The following PRELID2 variants were observed in gnomAD, a reference collection of about 807,000 sequenced individuals.
The protein encoded by PRELID2 is PRELI domain containing 2.
A neutral mutation model predicts 28.4 loss-of-function variants in PRELID2; 25 were observed. The ratio of observed to expected loss-of-function variants is 0.88; its 90% CI spans 0.64 to 1.23. The LOEUF (loss-of-function observed/expected upper bound fraction) is 1.23. Among genes scored for constraint, PRELID2 ranks in the 50% most tolerant of loss-of-function variants. The pLI, the probability that PRELID2 is intolerant of heterozygous loss-of-function variation, is 0.00. For synonymous variants in PRELID2, 76 were observed against 71.6 expected (o/e 1.06, Z -0.31); for missense variants, 201 against 214.4 (o/e 0.94, Z 0.39).
At chr5:145,672,928 C>T (rs1754737809) in intron 1 of PRELID2, among the ~76,000 whole-genome samples, 1 of 152,114 alleles carries the variant, frequency 6.6e-6, no homozygotes, top group Non-Finnish European at 1.5e-5. Flanking sequence ...CCTCACACAG[C>T]TATGAAACCC....
At chr5:145,336,794 G>C in the PRELID2 span, among the ~76,000 whole-genome samples, 2 of 151,886 alleles carry the variant, frequency 1.3e-5, no homozygotes, top group Admixed American at 6.6e-5. Context: ...AAAAAATGAT[G>C]AGTTCATGTC....
chr5:145,511,306 T>A (rs1752459127), intron 1 of PRELID2, among the ~76,000 whole-genome samples: 1 of 152,220 alleles, frequency 6.6e-6, no homozygotes, highest in South Asian at 2.1e-4. Flanking sequence ...AATAGTACCG[T>A]TATATACTTA....
the PRELID2 span, among the ~76,000 whole-genome samples, chr5:145,417,371 G>T: frequency 1.3e-5 from 2 of 152,078 alleles, no homozygotes; most frequent in Non-Finnish European, 2.9e-5. Flanking sequence ...CAACTGAAAA[G>T]AAGGAACTCC....
chr5:145,766,155 G>A (rs976512469), intron 5 of PRELID2, among the ~76,000 whole-genome samples: 9 of 152,124 alleles, frequency 5.9e-5, no homozygotes, highest in Non-Finnish European at 1.0e-4. Flanking sequence ...ATTATAAACT[G>A]AGGTCTCCAG....
intron 1 of PRELID2, among the ~76,000 whole-genome samples, chr5:145,697,070 TATATATATATAC>T (rs1239473527): frequency 1.6e-5 from 2 of 121,526 alleles, no homozygotes; most frequent in African/African-American, 4.2e-5. Flanking sequence ...TATATATATA[TATATATATATAC>T]ACACACACAC....
At chr5:145,592,479 C>T (rs1034017129) in intron 1 of PRELID2, among the ~76,000 whole-genome samples, 1 of 152,010 alleles carries the variant, frequency 6.6e-6, no homozygotes, top group African/African-American at 2.4e-5. Context: ...TACATACACA[C>T]ACACACACAC....
chr5:145,621,557 T>G (rs928081346), intron 1 of PRELID2, among the ~76,000 whole-genome samples: 2 of 152,222 alleles, frequency 1.3e-5, no homozygotes, highest in Admixed American at 1.3e-4. Flanking sequence ...CAATGAAATA[T>G]TATTCTACAA....
intron 1 of PRELID2, among the ~76,000 whole-genome samples, chr5:145,683,147 AT>A (rs1754971118): frequency 6.6e-6 from 1 of 152,120 alleles, no homozygotes; most frequent in Non-Finnish European, 1.5e-5. Flanking sequence ...TGTCAGAAAG[AT>A]TTAGATTTGA....
the PRELID2 span, among the ~76,000 whole-genome samples, chr5:145,452,580 C>T: frequency 6.6e-6 from 1 of 152,144 alleles, no homozygotes; most frequent in Non-Finnish European, 1.5e-5. Flanking sequence ...TAGCACAGAT[C>T]ACACTGGATT....
At chr5:145,541,745 T>G (rs1405192827) in intron 1 of PRELID2, among the ~76,000 whole-genome samples, 1 of 152,042 alleles carries the variant, frequency 6.6e-6, no homozygotes, top group Non-Finnish European at 1.5e-5. Flanking sequence ...ATTGCTTTGA[T>G]TTTTTTCACC....
At chr5:145,397,072 C>T in the PRELID2 span, among the ~76,000 whole-genome samples, 1 of 152,132 alleles carries the variant, frequency 6.6e-6, no homozygotes, top group East Asian at 1.9e-4. Flanking sequence ...ATACCTACCA[C>T]TAAGCCCAGA....
At chr5:145,305,270 T>C in the PRELID2 span, among the ~76,000 whole-genome samples, 1 of 152,122 alleles carries the variant, frequency 6.6e-6, no homozygotes, top group Admixed American at 6.5e-5. Flanking sequence ...GAAAAACAAA[T>C]GGAAAATCAA....
chr5:145,726,319 GAA>G (rs1491124658), intron 1 of PRELID2, among the ~76,000 whole-genome samples: 1 of 140,856 alleles, frequency 7.1e-6, no homozygotes, highest in African/African-American at 3.0e-5. Flanking sequence ...GAGAGAGAGA[GAA>G]AGAGAGAAAG....
chr5:145,635,302 G>A (rs1408091901), intron 1 of PRELID2, among the ~76,000 whole-genome samples: 1 of 151,910 alleles, frequency 6.6e-6, no homozygotes, highest in African/African-American at 2.4e-5. Context: ...ATCTAAAATG[G>A]TTCTTAATAA....
chr5:145,679,063 G>C (rs943067237), intron 1 of PRELID2, among the ~76,000 whole-genome samples: 1 of 152,150 alleles, frequency 6.6e-6, no homozygotes, highest in African/African-American at 2.4e-5. Context: ...GTCTCCATGT[G>C]TTTTATGCAG....
intron 1 of PRELID2, among the ~76,000 whole-genome samples, chr5:145,500,017 C>T: frequency 6.6e-6 from 1 of 152,276 alleles, no homozygotes; most frequent in Middle Eastern, 3.4e-3. Context: ...CTGGTGCTTT[C>T]CAGTGTGATG....
At chr5:145,244,111 G>A in the PRELID2 span, among the ~76,000 whole-genome samples, 2 of 151,922 alleles carry the variant, frequency 1.3e-5, no homozygotes, top group South Asian at 4.2e-4. Flanking sequence ...AAACTACCCT[G>A]CCCAGATAAT....
At chr5:145,496,634 T>G (rs1752312192) in intron 1 of PRELID2, among the ~76,000 whole-genome samples, 1 of 152,150 alleles carries the variant, frequency 6.6e-6, no homozygotes, top group Non-Finnish European at 1.5e-5. Flanking sequence ...CCTGCCTGAA[T>G]AGCCTACTCT....
chr5:145,556,740 G>C (rs944535401), intron 1 of PRELID2, among the ~76,000 whole-genome samples: 2 of 152,104 alleles, frequency 1.3e-5, no homozygotes, highest in Non-Finnish European at 2.9e-5. Context: ...CTTGAACCTT[G>C]TATTCTCTGT....
Sources: gnomAD v4.1 joint callset for allele counts (sites outside exome capture counted in the v4.1 genomes callset) on GRCh38, gnomAD v4.1.1 for gene constraint, MANE v1.5 for transcripts, NCBI Gene and HGNC (gene_info 2026-07-23, HGNC 2026-07-21) for gene names.